Variants in MLLT3 observed in about 807,000 individuals in gnomAD.
The protein encoded by MLLT3 is protein AF-9.
A neutral mutation model predicts 53.2 loss-of-function variants in MLLT3; 4 were observed. The observed-to-expected ratio is 0.08, with a 90% CI of 0.04 to 0.17. The LOEUF (loss-of-function observed/expected upper bound fraction) is 0.17. MLLT3 is among the 10% of genes least tolerant of loss of function. The probability of loss-of-function intolerance (pLI) is 1.00; values close to 1 mark genes in which losing one functional copy is unlikely to be tolerated. For missense variants in MLLT3, 569 were observed against 684.0 expected (o/e 0.83, Z 1.87); for synonymous variants, 283 against 230.6 (o/e 1.23, Z -2.06).
At chr9:20,396,160 G>GT (rs397779919) in intron 5 of MLLT3, among the ~76,000 whole-genome samples, 25,195 of 148,834 alleles carry the variant, frequency 0.17, 3,884 homozygotes, top group East Asian at 0.68. Context: ...TATTTTCAGG[G>GT]TTTTTTTTTT....
chr9:20,538,701 A>C (rs1016903037), intron 2 of MLLT3, among the ~76,000 whole-genome samples: 38 of 152,380 alleles, frequency 2.5e-4, no homozygotes, highest in African/African-American at 8.2e-4. Context: ...AGGCATTACA[A>C]ATCGAGTTTT....
At chr9:20,571,463 T>C (rs1378699924) in intron 2 of MLLT3, among the ~76,000 whole-genome samples, 3 of 152,032 alleles carry the variant, frequency 2.0e-5, no homozygotes. Context: ...TACTATACTT[T>C]AAGTTCTGGG....
chr9:20,601,549 C>T (rs1820420237), intron 2 of MLLT3, among the ~76,000 whole-genome samples: 1 of 152,150 alleles, frequency 6.6e-6, no homozygotes, highest in African/African-American at 2.4e-5. Context: ...TATCCCTCCT[C>T]CCCCAGAGTT....
chr9:20,522,820 A>T (rs2118982424), intron 2 of MLLT3, among the ~76,000 whole-genome samples: 1 of 152,232 alleles, frequency 6.6e-6, no homozygotes, highest in East Asian at 1.9e-4. Flanking sequence ...TAATCTCAGC[A>T]TGTGGTGGTG....
chr9:20,588,518 T>G (rs1487798230), intron 2 of MLLT3, among the ~76,000 whole-genome samples: 2 of 152,170 alleles, frequency 1.3e-5, no homozygotes, highest in Non-Finnish European at 2.9e-5. Flanking sequence ...TTTATTTCCT[T>G]GAGCAGCGGT....
chr9:20,521,252 G>C lies in MLLT3; in HGVS notation c.194-64466C>G, dbSNP rs181094433. 2.9e-3 allele frequency among the ~76,000 whole-genome samples: 438 copies of C among 152,130 alleles called. 1 individual carries two copies. Among genetic ancestry groups the C allele is most frequent in the African/African-American group, 9.2e-3 (382 of 41,500 alleles). On this transcript the variant is annotated intron_variant, in intron 2 of 10. Coordinates refer to ENST00000380338, the MANE Select transcript of MLLT3 (RefSeq NM_004529.4). Reference sequence around the variant, plus strand: ...CATCCGGCTACTTTTTGTACTTTTAGCAGTGATGGGGTTTCGCCGTGTTGG... The same window carrying C: ...CATCCGGCTACTTTTTGTACTTTTACCAGTGATGGGGTTTCGCCGTGTTGG...
chr9:20,464,299 T>C (rs535648207), intron 2 of MLLT3, among the ~76,000 whole-genome samples: 21 of 152,176 alleles, frequency 1.4e-4, no homozygotes, highest in African/African-American at 4.1e-4. Context: ...CACTACAAAA[T>C]CTTAAGGCTA....
chr9:20,454,248 TGTGTGTGCACACGCATGCGTGTGTGTGC>T (rs1214488287), intron 3 of MLLT3, among the ~76,000 whole-genome samples: 15 of 152,110 alleles, frequency 9.9e-5, no homozygotes, highest in African/African-American at 3.6e-4. Context: ...TGTGTGTGTG[TGTGTGTGCACACGCATGCGTGTGTGTGC>T]GTGCGCGTAT....
At chr9:20,425,852 G>C (rs963995022) in intron 4 of MLLT3, among the ~76,000 whole-genome samples, 4 of 151,838 alleles carry the variant, frequency 2.6e-5, no homozygotes, top group Non-Finnish European at 4.4e-5. Context: ...TTGTTCTAAA[G>C]AATTTAAGGT....
intron 2 of MLLT3, among the ~76,000 whole-genome samples, chr9:20,483,215 T>C (rs986449336): frequency 1.4e-5 from 2 of 147,276 alleles, no homozygotes; most frequent in Admixed American, 6.9e-5. Context: ...ATATTCATTA[T>C]ATTACTACAA....
At position 20,456,654 on chromosome 9, in the gene MLLT3, G is replaced by A. The variant is rs369489855; in HGVS notation, c.276+50C>T. On this transcript the variant is annotated intron_variant, in intron 3 of 10. Coordinates refer to ENST00000380338, the MANE Select transcript of MLLT3 (RefSeq NM_004529.4). ...GTCAAAATTATTTTAAACATCATTT[G>A]GCTAATGGTGGATCGTCTACTGAAA... 3.3e-6 allele frequency: 4 copies of A among 1,223,898 alleles called. No individual in the cohort carries two copies. In the African/African-American group the frequency reaches 6.0e-5, roughly 18 times the overall value. The allele number at this position is 1,223,898 out of a possible 1,614,324, so 75.8% of individuals were successfully genotyped here.
intron 2 of MLLT3, among the ~76,000 whole-genome samples, chr9:20,552,878 T>C (rs867103063): frequency 5.3e-5 from 8 of 152,280 alleles, no homozygotes; most frequent in Middle Eastern, 3.4e-3. Context: ...CTTTCAGTAA[T>C]GAGCCTTGTA....
intron 5 of MLLT3, among the ~76,000 whole-genome samples, chr9:20,372,877 G>T (rs888786008): frequency 1.3e-5 from 2 of 152,014 alleles, no homozygotes; most frequent in African/African-American, 4.8e-5. Flanking sequence ...TTTTAATAAG[G>T]TAATATATAC....
intron 2 of MLLT3, among the ~76,000 whole-genome samples, chr9:20,617,346 A>C (rs1413864174): frequency 6.6e-6 from 1 of 152,210 alleles, no homozygotes; most frequent in Non-Finnish European, 1.5e-5. Context: ...GAAAATTGTT[A>C]GAGTGGATTT....
At chr9:20,604,419 CT>C (rs5896908) in intron 2 of MLLT3, among the ~76,000 whole-genome samples, 46,145 of 150,868 alleles carry the variant, frequency 0.31, 7,440 homozygotes, top group South Asian at 0.4. Context: ...CAAAGTCTAA[CT>C]TTAAACAGTC....
rs1465852488 is a variant in MLLT3, at chr9:20,414,380, T to C, written c.466A>G (p.Ser156Gly). The C allele has an allele frequency of 1.3e-6, 2 of 1,532,950 alleles. No individual in the cohort carries two copies. Among genetic ancestry groups the C allele is most frequent in the East Asian group, 2.4e-5 (1 of 41,740 alleles). 95.0% of individuals were successfully genotyped at this position (1,532,950 alleles called of 1,614,324 possible). ...IHTSSSSSSS[S>G]SSSSSSSSSS... ...CTGCTGCTGCTGCTGCTGCTGCTAC[T>C]GCTGCTGCTGCTGCTGCTGCTGGTA... The change falls in exon 5 of 11, where the codon AGT (serine) becomes GGT (glycine). Residue 156 changes from serine to glycine, a missense_variant. By Grantham distance (56) the Ser-to-Gly change is moderately conservative. This residue lies in a region of MLLT3 where 39 missense variants were observed against 68.8 expected (regional missense o/e 0.57). Transcript: ENST00000380338.
intron 2 of MLLT3, among the ~76,000 whole-genome samples, chr9:20,486,806 A>G (rs1824826053): frequency 6.6e-6 from 1 of 152,136 alleles, no homozygotes; most frequent in African/African-American, 2.4e-5. Flanking sequence ...TCACTCTTTC[A>G]GTGGATGTCT....
chr9:20,573,567 T>A (rs778592234), intron 2 of MLLT3, among the ~76,000 whole-genome samples: 1 of 152,052 alleles, frequency 6.6e-6, no homozygotes, highest in African/African-American at 2.4e-5. Context: ...TTAAAGAAAA[T>A]GCAAATAAAG....
chr9:20,568,628 T>G (rs904219774), intron 2 of MLLT3, among the ~76,000 whole-genome samples: 1 of 152,150 alleles, frequency 6.6e-6, no homozygotes, highest in Admixed American at 6.6e-5. Flanking sequence ...AAACAAAGTT[T>G]CCAGTGAGGA....
Sources: gnomAD v4.1 joint callset for allele counts (sites outside exome capture counted in the v4.1 genomes callset) on GRCh38, gnomAD v4.1.1 for gene constraint, gnomAD v4.1.1 regional missense constraint, MANE v1.5 for transcripts, NCBI Gene and HGNC (gene_info 2026-07-23, HGNC 2026-07-21) for gene names.